Variants in OTUD5 observed in about 807,000 individuals in gnomAD.
The protein encoded by OTUD5 is OTU domain-containing protein 5.
Under a neutral mutation model 36.3 loss-of-function variants are expected in OTUD5, and 2 were observed. The observed-to-expected ratio is 0.06, with a 90% CI of 0.02 to 0.17. The LOEUF (loss-of-function observed/expected upper bound fraction) is 0.17. Among genes scored for constraint, OTUD5 ranks in the 10% least tolerant of loss-of-function variants. The pLI is 1.00. For synonymous variants in OTUD5, 234 were observed against 214.9 expected (o/e 1.09, Z -0.78); for missense variants, 233 against 512.3 (o/e 0.45, Z 5.26).
Position 48,924,060 on chromosome X carries a change from G to A in OTUD5, c.1264-8C>T, listed in dbSNP as rs1557047138. On this transcript the variant is annotated splice_region_variant and splice_polypyrimidine_tract_variant and intron_variant, in intron 6 of 8. Coordinates refer to ENST00000376488, the MANE Select transcript of OTUD5 (RefSeq NM_001136157.2). ...GGCGCTGGCTTTCCGGGGCTGCAGC[G>A]GGGAAGGTAAATGCGTTAAGGACCA... is the stretch of plus-strand genomic sequence containing the variant. 7 of 1,189,686 alleles carry A rather than the reference G, an allele frequency of 5.9e-6. No individual in the cohort carries two copies. The highest frequency in any genetic ancestry group is 6.8e-6 in the Non-Finnish European group (6 of 885,042).
chrX:48,954,221 G>A (rs1221402920), intron 1 of OTUD5, among the ~76,000 whole-genome samples: 2 of 110,526 alleles, frequency 1.8e-5, no homozygotes, highest in African/African-American at 3.3e-5. Flanking sequence ...TCAGCCTCCC[G>A]AGTAGCTGGG....
chrX:48,951,722 A>C (rs191243680), intron 1 of OTUD5, among the ~76,000 whole-genome samples: 1,188 of 111,971 alleles, frequency 0.011, 21 homozygotes, highest in African/African-American at 0.036. Context: ...GCAAGGCCCC[A>C]ACATTTGGCT....
chrX:48,926,573 G>C (rs1489714139), intron 5 of OTUD5, among the ~76,000 whole-genome samples: 1 of 110,973 alleles, frequency 9.0e-6, no homozygotes, highest in Non-Finnish European at 1.9e-5. Flanking sequence ...GGCTGGCCTT[G>C]AACTCCTGAC....
intron 1 of OTUD5, among the ~76,000 whole-genome samples, chrX:48,953,055 G>C (rs1233034854): frequency 1.8e-5 from 2 of 112,048 alleles, no homozygotes; most frequent in Non-Finnish European, 3.8e-5. Context: ...GGGCAGCTGA[G>C]GGGGCAAGTA....
At chrX:48,943,372 A>G (rs1389224933) in intron 2 of OTUD5, among the ~76,000 whole-genome samples, 1 of 112,174 alleles carries the variant, frequency 8.9e-6, no homozygotes, top group Non-Finnish European at 1.9e-5. Context: ...CATTTTGATT[A>G]TGTTAAAAAG....
At chrX:48,933,059 G>A (rs949765246) in intron 5 of OTUD5, among the ~76,000 whole-genome samples, 4 of 111,627 alleles carry the variant, frequency 3.6e-5, no homozygotes, top group Non-Finnish European at 7.5e-5. Context: ...AATGCATAGT[G>A]TTAAGTGAAA....
chrX:48,939,976 T>C (rs782264417), intron 2 of OTUD5: 1 of 113,799 alleles, frequency 8.8e-6, no homozygotes, highest in East Asian at 2.8e-4. Flanking sequence ...CAAACCACAC[T>C]AACGTGTGTA....
intron 2 of OTUD5, among the ~76,000 whole-genome samples, chrX:48,943,265 G>A (rs1201392811): frequency 9.0e-6 from 1 of 111,688 alleles, no homozygotes; most frequent in African/African-American, 3.3e-5. Flanking sequence ...TACTTGTTGG[G>A]TCACAGATTC....
chrX:48,956,620 G>A (rs1014294128), intron 1 of OTUD5, among the ~76,000 whole-genome samples: 8 of 111,109 alleles, frequency 7.2e-5, no homozygotes, highest in African/African-American at 9.8e-5. Flanking sequence ...ACATACCTAA[G>A]TCTCTTGGGA....
At chrX:48,949,896 C>T (rs1557053371) in intron 1 of OTUD5, among the ~76,000 whole-genome samples, 1 of 110,143 alleles carries the variant, frequency 9.1e-6, no homozygotes, top group African/African-American at 3.3e-5. Flanking sequence ...TGCCTGTAAT[C>T]CCAGCACTTT....
Position 48,954,158 on chromosome X carries a change from C to T in OTUD5, c.594+2819G>A, listed in dbSNP as rs187747055. Among the ~76,000 whole-genome samples the T allele has an allele frequency of 3.6e-5, 4 of 110,440 alleles. No individual in the cohort carries two copies. In the Admixed American group the frequency reaches 3.8e-4, roughly 11 times the overall value. ...TTTTTTATTAGTAAAGATGAGGTCT[C>T]GCTATGTTGCCAAGCAGGTCTTGAA... is the stretch of plus-strand genomic sequence containing the variant. On this transcript the variant is annotated intron_variant, in intron 1 of 8. Coordinates refer to ENST00000376488, the MANE Select transcript of OTUD5 (RefSeq NM_001136157.2).
At chrX:48,944,357 C>T (rs1304134314) in intron 1 of OTUD5, 74 bp from the exon 2 acceptor site, 7 of 650,734 alleles carry the variant, frequency 1.1e-5, no homozygotes, top group East Asian at 6.8e-5. Context: ...CTCAAGCTCC[C>T]GAGAGGCCTA....
rs1019654354 is a variant in OTUD5, at chrX:48,956,969, G to A, written c.594+8C>T. The A allele has an allele frequency of 8.6e-7, 1 of 1,162,177 alleles. No homozygotes were observed. ...GTGGCCGCTCACCCCTCACCCCACA[G>A]CTCTTACCTGCTCGACAGTGGCAGG... On this transcript the variant is annotated splice_region_variant and intron_variant, in intron 1 of 8. Transcript: ENST00000376488.
rs782323714 is a variant in OTUD5 at position 48,931,621 on chromosome X, A to G, written c.1059+2843T>C. On this transcript the variant is annotated intron_variant, in intron 5 of 8. Transcript: ENST00000376488. ...TGGTGAAACCCCGTCTCTACTAAAA[A>G]TAGAAAAATTAGCCAGGTGTGGTGG... Among the ~76,000 whole-genome samples, 3 of 108,484 alleles carry G rather than the reference A, an allele frequency of 2.8e-5. No homozygotes were observed. The South Asian group carries it at 1.2e-3, about 44-fold the overall frequency. 94.2% of individuals were successfully genotyped at this position (108,484 alleles called of 115,157 possible). A position where few individuals can be genotyped will look rare whatever the true frequency, so the allele number is the denominator to read the frequency against.
rs1557056029 is a variant in OTUD5, at chrX:48,957,591, C to A, written c.-21G>T. ...GTCATGGCTGCACTGCCGAGTACCC[C>A]CCAACAAACCCGGCGCGGGGCACGC... is the stretch of plus-strand genomic sequence containing the variant. On this transcript the variant is annotated 5_prime_UTR_variant, in exon 1 of 9. Coordinates refer to ENST00000376488, the MANE Select transcript of OTUD5 (RefSeq NM_001136157.2). The A allele has an allele frequency of 1.2e-5, 10 of 835,885 alleles. No homozygotes were observed. The highest frequency in any genetic ancestry group is 6.2e-5 in the South Asian group (1 of 16,162). The allele number at this position is 835,885 out of a possible 1,213,427, so 68.9% of individuals were successfully genotyped here. A position where few individuals can be genotyped will look rare whatever the true frequency, so the allele number is the denominator to read the frequency against.
intron 6 of OTUD5, among the ~76,000 whole-genome samples, chrX:48,924,768 C>T (rs374251756): frequency 4.5e-5 from 5 of 112,295 alleles, no homozygotes; most frequent in African/African-American, 1.6e-4. Flanking sequence ...ATACCGTGAA[C>T]GCACATTCCT....
chrX:48,947,308 C>A (rs1461875890), intron 1 of OTUD5, among the ~76,000 whole-genome samples: 2 of 110,659 alleles, frequency 1.8e-5, no homozygotes, highest in South Asian at 7.6e-4. Flanking sequence ...TCGCTTGAAC[C>A]TGGGAGACAG....
chrX:48,952,603 G>C, intron 1 of OTUD5, among the ~76,000 whole-genome samples: 1 of 112,314 alleles, frequency 8.9e-6, no homozygotes, highest in Non-Finnish European at 1.9e-5. Context: ...CTTTCATGAA[G>C]GGTGAGGGGA....
At chrX:48,926,187 A>G in intron 5 of OTUD5, 137 bp from the exon 6 acceptor site, 2 of 466,705 alleles carry the variant, frequency 4.3e-6, no homozygotes, top group South Asian at 6.4e-5. Flanking sequence ...AAAGAGCAAC[A>G]CTCCACAGAC....
Sources: gnomAD v4.1 joint callset for allele counts (sites outside exome capture counted in the v4.1 genomes callset) on GRCh38, gnomAD v4.1.1 for gene constraint, MANE v1.5 for transcripts, NCBI Gene and HGNC (gene_info 2026-07-23, HGNC 2026-07-21) for gene names.